Variants in ST8SIA4 observed in about 807,000 individuals in gnomAD.
ST8SIA4 encodes ST8 alpha-N-acetyl-neuraminide alpha-2,8-sialyltransferase 4, also known as CMP-N-acetylneuraminate-poly-alpha-2,8-sialyltransferase.
Under a neutral mutation model 33.9 loss-of-function variants are expected in ST8SIA4, and 15 were observed. The observed-to-expected ratio is 0.44, with a 90% CI of 0.30 to 0.68. The LOEUF (loss-of-function observed/expected upper bound fraction) is 0.68. Ranked by LOEUF, ST8SIA4 falls within the 30% of genes least tolerant of loss-of-function variation. The pLI is 0.10. For missense variants in ST8SIA4, 321 were observed against 428.0 expected (o/e 0.75, Z 2.21); for synonymous variants, 171 against 151.2 (o/e 1.13, Z -0.96).
chr5:100,812,288 A>G (rs1750832193), intron 4 of ST8SIA4, among the ~76,000 whole-genome samples, 159 bp from the exon 5 acceptor site: 1 of 152,180 alleles, frequency 6.6e-6, no homozygotes, highest in Admixed American at 6.5e-5. Context: ...AGAAAATTTG[A>G]TGCTTTTATT....
chr5:100,862,758 T>C (rs1038603768), intron 3 of ST8SIA4, among the ~76,000 whole-genome samples: 1 of 152,210 alleles, frequency 6.6e-6, no homozygotes, highest in African/African-American at 2.4e-5. Flanking sequence ...GTGCTTTGCA[T>C]GTAATATATG....
At chr5:100,831,309 G>A (rs2112414740) in intron 4 of ST8SIA4, among the ~76,000 whole-genome samples, 1 of 152,188 alleles carries the variant, frequency 6.6e-6, no homozygotes, top group Non-Finnish European at 1.5e-5. Context: ...CCATAACTAA[G>A]GCCCAGGTAG....
chr5:100,837,030 A>C (rs199507645), intron 4 of ST8SIA4, among the ~76,000 whole-genome samples: 9 of 140,042 alleles, frequency 6.4e-5, no homozygotes, highest in East Asian at 4.1e-4. Context: ...ACACACACAC[A>C]CCGTAATACC....
chr5:100,852,190 G>A (rs1023002264), intron 4 of ST8SIA4, among the ~76,000 whole-genome samples: 3 of 134,342 alleles, frequency 2.2e-5, no homozygotes, highest in African/African-American at 5.7e-5. Flanking sequence ...GCATGAGCTC[G>A]GCTCACTGCA....
chr5:100,865,644 G>GT (rs991682833), intron 3 of ST8SIA4, among the ~76,000 whole-genome samples: 2 of 151,936 alleles, frequency 1.3e-5, no homozygotes, highest in African/African-American at 2.4e-5. Flanking sequence ...TAAACTTCTT[G>GT]TTTTTTTCTT....
intron 3 of ST8SIA4, among the ~76,000 whole-genome samples, chr5:100,875,942 T>C (rs1306933707): frequency 1.3e-5 from 2 of 152,076 alleles, no homozygotes; most frequent in African/African-American, 2.4e-5. Context: ...TTTTAGTGTT[T>C]TACAATTTTA....
chr5:100,900,637 C>T (rs1752887040), intron 1 of ST8SIA4, among the ~76,000 whole-genome samples: 5 of 152,126 alleles, frequency 3.3e-5, no homozygotes, highest in Admixed American at 3.3e-4. Flanking sequence ...AGTCAGGACG[C>T]TACAGGGCAC....
At chr5:100,860,706 T>C (rs192731798) in intron 3 of ST8SIA4, among the ~76,000 whole-genome samples, 19 of 152,204 alleles carry the variant, frequency 1.2e-4, no homozygotes, top group African/African-American at 3.9e-4. Context: ...ACCATCTAGT[T>C]TGGAATCATT....
intron 3 of ST8SIA4, among the ~76,000 whole-genome samples, chr5:100,863,556 C>T (rs935621631): frequency 1.3e-5 from 2 of 152,048 alleles, no homozygotes; most frequent in Non-Finnish European, 2.9e-5. Context: ...AAATTTTTAT[C>T]TTCTTTCTCT....
At chr5:100,817,429 C>T (rs1750954026) in intron 4 of ST8SIA4, among the ~76,000 whole-genome samples, 1 of 151,916 alleles carries the variant, frequency 6.6e-6, no homozygotes, top group African/African-American at 2.4e-5. Context: ...TTTGAGATTC[C>T]ATCATTCACA....
At chr5:100,818,592 A>G (rs886785987) in intron 4 of ST8SIA4, among the ~76,000 whole-genome samples, 1 of 152,190 alleles carries the variant, frequency 6.6e-6, no homozygotes, top group Admixed American at 6.5e-5. Flanking sequence ...ATTAAAATGA[A>G]AGCAGAAGTC....
intron 4 of ST8SIA4, 65 bp downstream of exon 4, chr5:100,856,038 T>C (rs1188747642): frequency 1.4e-6 from 2 of 1,423,858 alleles, no homozygotes; most frequent in Non-Finnish European, 1.9e-6. Flanking sequence ...TCTTGTCTAG[T>C]GAAAATGTTT....
At chr5:100,826,937 T>C (rs1283277595) in intron 4 of ST8SIA4, among the ~76,000 whole-genome samples, 1 of 126,120 alleles carries the variant, frequency 7.9e-6, no homozygotes, top group Non-Finnish European at 1.7e-5. Context: ...TTCAGTTTTC[T>C]ATTCAGATAT....
rs561748372 is a variant in ST8SIA4 at position 100,811,301 on chromosome 5, A to G, written c.*546T>C. The G allele has an allele frequency of 2.0e-5, 3 of 149,404 alleles. No homozygotes were observed. Among genetic ancestry groups the G allele is most frequent in the Non-Finnish European group, 4.4e-5 (3 of 67,460 alleles). 9.3% of individuals were successfully genotyped at this position (149,404 alleles called of 1,614,324 possible). A position where few individuals can be genotyped will look rare whatever the true frequency, so the allele number is the denominator to read the frequency against. On this transcript the variant is annotated 3_prime_UTR_variant, in exon 5 of 5. Coordinates refer to ENST00000231461, the MANE Select transcript of ST8SIA4 (RefSeq NM_005668.6). ...TTCTAAGCATCCCAATATCCAAACCAAAAGAGATTCCAGAAGACAAAAAAA... is the reference window on the plus strand; with the variant it reads ...TTCTAAGCATCCCAATATCCAAACCGAAAGAGATTCCAGAAGACAAAAAAA...
At chr5:100,877,890 T>C (rs1752340188) in intron 3 of ST8SIA4, among the ~76,000 whole-genome samples, 1 of 152,154 alleles carries the variant, frequency 6.6e-6, no homozygotes, top group Admixed American at 6.6e-5. Context: ...TTTGGGAAAA[T>C]GGGTTGGCAT....
At chr5:100,885,463 A>G (rs1752515630) in intron 3 of ST8SIA4, 6 of 937,914 alleles carry the variant, frequency 6.4e-6, no homozygotes, top group Non-Finnish European at 7.6e-6. Flanking sequence ...TATTCAAAAT[A>G]TTCAAAAATA....
Position 100,848,991 on chromosome 5 carries a change from GTTAAC to G in ST8SIA4, c.797+7107_797+7111del, listed in dbSNP as rs1309731778. ...CAAGTAAACATTTAGATGATGTTGG[GTTAAC>G]TTAACTGTGGTGTTGAAACATGTAA... On this transcript the variant is annotated intron_variant, in intron 4 of 4. Coordinates refer to ENST00000231461, the MANE Select transcript of ST8SIA4 (RefSeq NM_005668.6). The G allele has an allele frequency of 2.9e-5, 11 of 385,364 alleles. No homozygotes were observed. The South Asian group carries it at 3.3e-4, about 11-fold the overall frequency. The allele number at this position is 385,364 out of a possible 1,614,324, so 23.9% of individuals were successfully genotyped here.
At chr5:100,845,671 G>A (rs1289751559) in intron 4 of ST8SIA4, among the ~76,000 whole-genome samples, 2 of 151,662 alleles carry the variant, frequency 1.3e-5, no homozygotes, top group East Asian at 1.9e-4. Flanking sequence ...GCAGTATAGC[G>A]CTTTGTTCTG....
intron 4 of ST8SIA4, among the ~76,000 whole-genome samples, chr5:100,839,128 A>G (rs1751422550): frequency 6.6e-6 from 1 of 151,932 alleles, no homozygotes; most frequent in Admixed American, 6.6e-5. Flanking sequence ...ACACCCACCC[A>G]TTTAAAAATT....
Sources: gnomAD v4.1 joint callset for allele counts (sites outside exome capture counted in the v4.1 genomes callset) on GRCh38, gnomAD v4.1.1 for gene constraint, MANE v1.5 for transcripts, NCBI Gene and HGNC (gene_info 2026-07-23, HGNC 2026-07-21) for gene names.